Variants in TRAF3 observed in about 807,000 individuals in gnomAD.
TRAF3 encodes the protein TNF receptor associated factor 3, also known as TNF receptor-associated factor 3.
A neutral mutation model predicts 62.3 loss-of-function variants in TRAF3; 13 were observed. The ratio of observed to expected loss-of-function variants is 0.21; its 90% CI spans 0.14 to 0.33. The LOEUF (loss-of-function observed/expected upper bound fraction) is 0.33, where lower values mean the gene tolerates loss of function less well. Ranked by LOEUF, TRAF3 falls within the 10% of genes least tolerant of loss-of-function variation. The probability of loss-of-function intolerance (pLI) is 1.00; values close to 1 mark genes in which losing one functional copy is unlikely to be tolerated. For missense variants in TRAF3, 440 were observed against 741.8 expected (o/e 0.59, Z 4.73); for synonymous variants, 269 against 283.4 (o/e 0.95, Z 0.51).
intron 1 of TRAF3, among the ~76,000 whole-genome samples, chr14:102,788,519 G>C (rs762380896): frequency 5.5e-4 from 84 of 152,226 alleles, no homozygotes; most frequent in Admixed American, 9.8e-4. Flanking sequence ...AATTAGCTTG[G>C]TTGGGTGTGG....
At chr14:102,843,202 CAAAA>C (rs982973118) in intron 2 of TRAF3, among the ~76,000 whole-genome samples, 1 of 131,508 alleles carries the variant, frequency 7.6e-6, no homozygotes, top group Non-Finnish European at 1.6e-5. Context: ...GACTCCATCT[CAAAA>C]AAAAAAACCC....
intron 4 of TRAF3, among the ~76,000 whole-genome samples, chr14:102,875,182 T>C (rs1476545577): frequency 6.6e-6 from 1 of 152,186 alleles, no homozygotes; most frequent in African/African-American, 2.4e-5. Context: ...ATCTATACAA[T>C]GTATTCAGTT....
intron 1 of TRAF3, 86 bp from the exon 2 acceptor site, chr14:102,830,248 T>G (rs1285166172): frequency 1.3e-5 from 2 of 152,272 alleles, no homozygotes; most frequent in Admixed American, 6.5e-5. Context: ...AGACTGGCCT[T>G]GAGGCACACA....
intron 1 of TRAF3, among the ~76,000 whole-genome samples, chr14:102,811,393 A>G (rs1328836323): frequency 6.7e-6 from 1 of 148,894 alleles, no homozygotes; most frequent in African/African-American, 2.5e-5. Context: ...GCCCTGGATG[A>G]TAGTACACTG....
chr14:102,801,754 C>G (rs1159261209), intron 1 of TRAF3, among the ~76,000 whole-genome samples: 2 of 151,898 alleles, frequency 1.3e-5, no homozygotes, highest in South Asian at 2.1e-4. Flanking sequence ...TGCAGTGGCT[C>G]ACATCTGTAA....
In TRAF3 at chr14:102,908,621, G is replaced by A. The variant is rs942911724; in HGVS notation, c.*2837G>A. 5.9e-5 allele frequency: 9 copies of A among 152,714 alleles called. No individual in the cohort carries two copies. Among genetic ancestry groups the A allele is most frequent in the African/African-American group, 2.2e-4 (9 of 41,478 alleles). The allele number at this position is 152,714 out of a possible 1,614,324, so 9.5% of individuals were successfully genotyped here. ...CATCACAGGGCCCTGGCAGCAAGCG[G>A]GAAATGGGGGCGCACACTGTGTGCT... On this transcript the variant is annotated 3_prime_UTR_variant, in exon 12 of 12. Transcript: ENST00000392745.
chr14:102,840,687 A>G (rs372687080), intron 2 of TRAF3, among the ~76,000 whole-genome samples: 3 of 152,112 alleles, frequency 2.0e-5, no homozygotes, highest in East Asian at 1.9e-4. Context: ...TTTTATCTCT[A>G]TTACTGAGTT....
rs11160701 is a variant in TRAF3 at position 102,811,470 on chromosome 14, C to T, written c.-156-18864C>T. ...TCCTGAGTAGCTGGGACATTAGGCC[C>T]GTGCCGCCATGCCTGGCTCTTGACC... is the stretch of plus-strand genomic sequence containing the variant. On this transcript the variant is annotated intron_variant, in intron 1 of 11. Coordinates refer to ENST00000392745, the MANE Select transcript of TRAF3 (RefSeq NM_145725.3). Among the ~76,000 whole-genome samples the T allele has an allele frequency of 8.0e-3, 1,204 of 150,624 alleles. 20 individuals are homozygous for T. Among genetic ancestry groups the T allele is most frequent in the African/African-American group, 0.027 (1,128 of 41,142 alleles).
At chr14:102,800,642 A>G (rs926159710) in intron 1 of TRAF3, among the ~76,000 whole-genome samples, 3 of 150,886 alleles carry the variant, frequency 2.0e-5, no homozygotes, top group Non-Finnish European at 4.4e-5. Flanking sequence ...CTTAATATGA[A>G]TATTTCATTA....
At chr14:102,800,320 A>C (rs995083200) in intron 1 of TRAF3, among the ~76,000 whole-genome samples, 4 of 152,214 alleles carry the variant, frequency 2.6e-5, no homozygotes, top group African/African-American at 9.6e-5. Context: ...CTGCCGACTC[A>C]CAGTCAGCTC....
At chr14:102,784,700 A>C (rs1235673269) in intron 1 of TRAF3, among the ~76,000 whole-genome samples, 2 of 152,212 alleles carry the variant, frequency 1.3e-5, no homozygotes, top group African/African-American at 4.8e-5. Flanking sequence ...AGCCAGAAGA[A>C]TAATTTCATT....
intron 6 of TRAF3, 70 bp downstream of exon 6, chr14:102,876,595 C>A: frequency 1.3e-6 from 2 of 1,570,178 alleles, no homozygotes; most frequent in South Asian, 1.2e-5. Context: ...GCCTTCCGCT[C>A]AATTCGTAGA....
Position 102,907,629 on chromosome 14 carries a change from G to A in TRAF3, c.*1845G>A, listed in dbSNP as rs982020540. 8 of 152,298 alleles carry A rather than the reference G, an allele frequency of 5.3e-5. No homozygotes were observed. Among genetic ancestry groups the A allele is most frequent in the Non-Finnish European group, 1.0e-4 (7 of 68,108 alleles). 9.4% of individuals were successfully genotyped at this position (152,298 alleles called of 1,614,324 possible). A position where few individuals can be genotyped will look rare whatever the true frequency, so the allele number is the denominator to read the frequency against. ...CAGACTGCCTGCCTCGGCTCTCCCC[G>A]TGGCCGCGCGGGGACAGCTTGGTGG... On this transcript the variant is annotated 3_prime_UTR_variant, in exon 12 of 12. Transcript: ENST00000392745.
At position 102,907,646 on chromosome 14, in the gene TRAF3, G is replaced by C. The variant is rs987868315; in HGVS notation, c.*1862G>C. On this transcript the variant is annotated 3_prime_UTR_variant, in exon 12 of 12. Coordinates refer to ENST00000392745, the MANE Select transcript of TRAF3 (RefSeq NM_145725.3). ...CTCTCCCCGTGGCCGCGCGGGGACA[G>C]CTTGGTGGGTGCCCGGTGGCCCACC... is the stretch of plus-strand genomic sequence containing the variant. 4 of 152,442 alleles carry C rather than the reference G, an allele frequency of 2.6e-5. No individual in the cohort carries two copies. Among genetic ancestry groups the C allele is most frequent in the African/African-American group, 4.8e-5 (2 of 41,590 alleles). The allele number at this position is 152,442 out of a possible 1,614,324, so 9.4% of individuals were successfully genotyped here.
chr14:102,814,325 G>A (rs769018194), intron 1 of TRAF3, among the ~76,000 whole-genome samples: 1 of 152,014 alleles, frequency 6.6e-6, no homozygotes, highest in Non-Finnish European at 1.5e-5. Flanking sequence ...GTACCGTGTC[G>A]TTTTGCTTAC....
chr14:102,874,849 G>A (rs953950895), intron 4 of TRAF3, among the ~76,000 whole-genome samples: 10 of 151,934 alleles, frequency 6.6e-5, no homozygotes, highest in African/African-American at 2.4e-4. Flanking sequence ...TAGAGATAGG[G>A]TCTCATTGTG....
chr14:102,848,022 T>G (rs1886823241), intron 2 of TRAF3, among the ~76,000 whole-genome samples: 1 of 152,198 alleles, frequency 6.6e-6, no homozygotes, highest in South Asian at 2.1e-4. Context: ...GCCCTACCCT[T>G]CCCTAGAAGG....
intron 2 of TRAF3, among the ~76,000 whole-genome samples, chr14:102,864,783 T>G (rs1887884829): frequency 6.6e-6 from 1 of 152,214 alleles, no homozygotes; most frequent in Admixed American, 6.5e-5. Context: ...AGCCTTGAGA[T>G]TCTTGCCCTC....
At chr14:102,902,850 A>AAC (rs1261208557) in intron 10 of TRAF3, among the ~76,000 whole-genome samples, 2 of 152,128 alleles carry the variant, frequency 1.3e-5, no homozygotes, top group Non-Finnish European at 2.9e-5. Context: ...TGCCACTGTG[A>AAC]AACAGGGAAG....
Sources: allele counts gnomAD v4.1 joint callset (sites outside exome capture counted in the v4.1 genomes callset), GRCh38; gene constraint gnomAD v4.1.1; transcripts MANE v1.5; gene names NCBI Gene and HGNC (gene_info 2026-07-23, HGNC 2026-07-21).